ATXN7L1: variants seen among roughly 807,000 people sequenced by gnomAD.
The protein encoded by ATXN7L1 is ataxin-7-like protein 1.
A neutral mutation model predicts 70.8 loss-of-function variants in ATXN7L1; 15 were observed. The observed-to-expected ratio is 0.21, with a 90% CI of 0.14 to 0.33. The LOEUF (loss-of-function observed/expected upper bound fraction) is 0.33. Among genes scored for constraint, ATXN7L1 ranks in the 10% least tolerant of loss-of-function variants. The probability of loss-of-function intolerance (pLI) is 1.00; values close to 1 mark genes in which losing one functional copy is unlikely to be tolerated. For missense variants in ATXN7L1, 975 were observed against 1,097.1 expected (o/e 0.89, Z 1.57); for synonymous variants, 440 against 445.1 (o/e 0.99, Z 0.14).
Position 105,733,546 on chromosome 7 carries a change from C to CCATCCATT in ATXN7L1, c.355+55057_355+55058insAATGGATG, listed in dbSNP as rs1563048607. ...TCCATCCATCCATCCATCCACCCAT[C>CCATCCATT]CATCCATCCACCCATCCATCCTTCC... On this transcript the variant is annotated intron_variant, in intron 3 of 11. Transcript: ENST00000419735. 1.9e-3 allele frequency among the ~76,000 whole-genome samples: 244 copies of CCATCCATT among 126,986 alleles called. 43 individuals are homozygous for CCATCCATT. Among genetic ancestry groups the CCATCCATT allele is most frequent in the Middle Eastern group, 3.9e-3 (1 of 258 alleles). 83.3% of individuals were successfully genotyped at this position (126,986 alleles called of 152,430 possible).
intron 3 of ATXN7L1, among the ~76,000 whole-genome samples, chr7:105,755,745 C>T (rs1419079379): frequency 2.0e-5 from 3 of 152,088 alleles, no homozygotes. Flanking sequence ...GTGAAATTCC[C>T]GAAAGACTGT....
At chr7:105,709,904 A>G (rs2116265283) in intron 3 of ATXN7L1, among the ~76,000 whole-genome samples, 1 of 150,344 alleles carries the variant, frequency 6.7e-6, no homozygotes, top group African/African-American at 2.5e-5. Context: ...ACAGAGTCTC[A>G]TTCTGTTGCA....
chr7:105,685,686 G>C (rs1806105102), intron 3 of ATXN7L1, among the ~76,000 whole-genome samples: 1 of 152,190 alleles, frequency 6.6e-6, no homozygotes, highest in Admixed American at 6.5e-5. Context: ...GGAACCGGCA[G>C]GTGATGAAGG....
At chr7:105,633,225 T>C (rs886216617) in intron 7 of ATXN7L1, among the ~76,000 whole-genome samples, 3 of 152,158 alleles carry the variant, frequency 2.0e-5, no homozygotes, top group Non-Finnish European at 4.4e-5. Flanking sequence ...ACAAATCTTT[T>C]CACAGGAAGC....
chr7:105,634,015 G>C (rs1323249878), intron 7 of ATXN7L1, among the ~76,000 whole-genome samples: 1 of 152,172 alleles, frequency 6.6e-6, no homozygotes, highest in African/African-American at 2.4e-5. Context: ...CCTCCTGGAG[G>C]TGATATAGTG....
chr7:105,743,499 T>C (rs1798242411), intron 3 of ATXN7L1, among the ~76,000 whole-genome samples: 1 of 152,168 alleles, frequency 6.6e-6, no homozygotes, highest in Non-Finnish European at 1.5e-5. Context: ...ACTCTAACAA[T>C]CACTGTCACC....
intron 3 of ATXN7L1, among the ~76,000 whole-genome samples, chr7:105,672,605 G>T (rs1803938285): frequency 6.6e-6 from 1 of 152,276 alleles, no homozygotes; most frequent in East Asian, 1.9e-4. Flanking sequence ...GTTGCTTAAG[G>T]TCACAGAGCT....
chr7:105,819,951 TA>T (rs1809868738), intron 2 of ATXN7L1: 2 of 489,680 alleles, frequency 4.1e-6, no homozygotes, highest in Non-Finnish European at 8.0e-6. Flanking sequence ...CAGTGGCATC[TA>T]CCCTGAAGGA....
intron 4 of ATXN7L1, among the ~76,000 whole-genome samples, chr7:105,660,648 T>C (rs931332709): frequency 3.1e-5 from 4 of 129,486 alleles, no homozygotes; most frequent in South Asian, 2.5e-4. Context: ...AGTGGCGCAA[T>C]GTTGGCTCAC....
chr7:105,654,521 G>A (rs1013828008), intron 4 of ATXN7L1, among the ~76,000 whole-genome samples: 3 of 152,256 alleles, frequency 2.0e-5, no homozygotes, highest in Non-Finnish European at 4.4e-5. Flanking sequence ...GAAGCCAGAA[G>A]GCCAGGGGTC....
chr7:105,692,370 T>TTCCC (rs1791006818), intron 3 of ATXN7L1, among the ~76,000 whole-genome samples: 1 of 94,510 alleles, frequency 1.1e-5, no homozygotes, highest in Non-Finnish European at 2.1e-5. Flanking sequence ...AATTTCTTTC[T>TTCCC]TTCCTTCCTT....
At chr7:105,869,626 C>A (rs1364261551) in intron 2 of ATXN7L1, among the ~76,000 whole-genome samples, 1 of 152,186 alleles carries the variant, frequency 6.6e-6, no homozygotes, top group African/African-American at 2.4e-5. Context: ...AGAAGAACAG[C>A]AAACTCTTAT....
intron 3 of ATXN7L1, among the ~76,000 whole-genome samples, chr7:105,773,177 C>G (rs1459596469): frequency 6.6e-6 from 1 of 152,110 alleles, no homozygotes; most frequent in Non-Finnish European, 1.5e-5. Context: ...TGACAATTAT[C>G]AGGGGTATCA....
intron 3 of ATXN7L1, among the ~76,000 whole-genome samples, chr7:105,694,717 G>A (rs1437142412): frequency 6.6e-6 from 1 of 152,214 alleles, no homozygotes; most frequent in Non-Finnish European, 1.5e-5. Flanking sequence ...GAGGCTATGT[G>A]ATTTGGCCAG....
chr7:105,728,483 A>T (rs540465648), intron 3 of ATXN7L1, among the ~76,000 whole-genome samples: 1 of 152,186 alleles, frequency 6.6e-6, no homozygotes, highest in Non-Finnish European at 1.5e-5. Context: ...GTATGAACTC[A>T]TGCTTAATAT....
At chr7:105,816,098 GGGA>G (rs1247511578) in intron 2 of ATXN7L1, among the ~76,000 whole-genome samples, 5 of 152,162 alleles carry the variant, frequency 3.3e-5, no homozygotes, top group African/African-American at 7.2e-5. Context: ...TGGGAGGATG[GGGA>G]GGAGAAGTGA....
At chr7:105,811,559 T>C (rs887741917) in intron 2 of ATXN7L1, among the ~76,000 whole-genome samples, 11 of 152,312 alleles carry the variant, frequency 7.2e-5, no homozygotes, top group African/African-American at 2.6e-4. Flanking sequence ...GGTGGTGGGA[T>C]GTCTGAGTCC....
At chr7:105,751,282 A>T (rs879148423) in intron 3 of ATXN7L1, among the ~76,000 whole-genome samples, 1 of 152,088 alleles carries the variant, frequency 6.6e-6, no homozygotes, top group Admixed American at 6.5e-5. Context: ...AAAAGGCACA[A>T]ATCACACATG....
At position 105,706,566 on chromosome 7, in the gene ATXN7L1, AAAAAAC is replaced by A. The variant is rs375919209; in HGVS notation, c.356-41284_356-41279del. ...AAAACACCACCACCACCACCACCAA[AAAAAAC>A]AAAAACAAAAACAAAAACAACAAAC... On this transcript the variant is annotated intron_variant, in intron 3 of 11. Coordinates refer to ENST00000419735, the MANE Select transcript of ATXN7L1 (RefSeq NM_020725.2). Among the ~76,000 whole-genome samples the A allele has an allele frequency of 2.3e-3, 352 of 152,266 alleles. 3 individuals are homozygous for A. The East Asian group carries it at 0.026, about 11-fold the overall frequency.
Sources: allele counts gnomAD v4.1 joint callset (sites outside exome capture counted in the v4.1 genomes callset), GRCh38; gene constraint gnomAD v4.1.1; transcripts MANE v1.5; gene names NCBI Gene and HGNC (gene_info 2026-07-23, HGNC 2026-07-21).